SYTL4: variants seen among roughly 807,000 people sequenced by gnomAD.
SYTL4 encodes the protein synaptotagmin-like protein 4.
SYTL4 carries 16 observed loss-of-function variants against 52.7 expected under a neutral mutation model. The ratio of observed to expected loss-of-function variants is 0.30; its 90% CI spans 0.21 to 0.46. The LOEUF (loss-of-function observed/expected upper bound fraction) is 0.46, where lower values mean the gene tolerates loss of function less well. Among genes scored for constraint, SYTL4 ranks in the 20% least tolerant of loss-of-function variants. The probability of loss-of-function intolerance (pLI) is 1.00; values close to 1 mark genes in which losing one functional copy is unlikely to be tolerated. For missense variants in SYTL4, 423 were observed against 519.9 expected, an observed-to-expected ratio of 0.81 and a Z score of 1.81; for synonymous variants, 160 against 186.6, an observed-to-expected ratio of 0.86 and a Z score of 1.16.
Position 100,722,892 on chromosome X carries a change from T to C in SYTL4, c.-240+8526A>G, listed in dbSNP as rs145241039. Among the ~76,000 whole-genome samples, 438 of 111,793 alleles carry C rather than the reference T, an allele frequency of 3.9e-3. 2 individuals are homozygous for C. The highest frequency in any genetic ancestry group is 0.014 in the African/African-American group (419 of 30,746). On this transcript the variant is annotated intron_variant, in intron 2 of 19. Coordinates refer to ENST00000372989, the MANE Select transcript of SYTL4 (RefSeq NM_001370165.1). ...GTCACCAAGAACTTCCTAAATCCAA[T>C]AGACAGTTCTTGGTCTTCCTAGATT...
chrX:100,719,990 G>A (rs878863510), intron 2 of SYTL4, among the ~76,000 whole-genome samples: 2 of 111,692 alleles, frequency 1.8e-5, no homozygotes, highest in Admixed American at 9.5e-5. Flanking sequence ...TTTGTCCCCT[G>A]CTCCTCAGCA....
At chrX:100,724,267 C>T (rs1221844471) in intron 2 of SYTL4, among the ~76,000 whole-genome samples, 2 of 104,685 alleles carry the variant, frequency 1.9e-5, no homozygotes, top group Non-Finnish European at 3.9e-5. Flanking sequence ...GCGCCCCGCC[C>T]GGCCAGCCGC....
rs779226209 is a variant in SYTL4 at position 100,700,912 on chromosome X, C to T, written c.524G>A (p.Arg175Gln). 42 of 1,206,199 alleles carry T rather than the reference C, an allele frequency of 3.5e-5. 1 individual carries two copies. The South Asian group carries it at 5.8e-4, about 17-fold the overall frequency. ...IWPGRKIIQE[R>Q]QKEPSVLFEV... The stretch of plus-strand genomic sequence containing the variant: ...TGATTCTTACCTGGGCTCCTTCTGC[C>T]GCTCCTGAATGATCTTTCTTCCTGG... Residue 175 changes from arginine (R) to glutamine (Q), a missense_variant, in exon 8 of 20, where the codon CGG becomes CAG. Arg to Gln is a conservative substitution (Grantham distance 43). Transcript: ENST00000372989.
intron 6 of SYTL4, 50 bp downstream of exon 6, chrX:100,701,408 C>T: frequency 8.5e-7 from 1 of 1,181,646 alleles, no homozygotes; most frequent in Non-Finnish European, 1.2e-6. Flanking sequence ...GAAATTCTCA[C>T]CACGGCCAAG....
In SYTL4 at chrX:100,723,258, C is replaced by G. The variant is rs191077141; in HGVS notation, c.-240+8160G>C. Among the ~76,000 whole-genome samples the G allele has an allele frequency of 3.1e-4, 34 of 111,418 alleles. No individual in the cohort carries two copies. The East Asian group carries it at 8.5e-3, about 28-fold the overall frequency. ...CCTCAGCCTGCCGAGTGCCTGCGAT[C>G]GCAGGCGCGCGCCGCCACGCCTGAC... is the stretch of plus-strand genomic sequence containing the variant. On this transcript the variant is annotated intron_variant, in intron 2 of 19. Transcript: ENST00000372989.
At chrX:100,700,873 T>C in intron 8 of SYTL4, 24 bp downstream of exon 8, 1 of 1,110,729 alleles carries the variant, frequency 9.0e-7, no homozygotes, top group Non-Finnish European at 1.2e-6. Flanking sequence ...TAAGCATTTC[T>C]TTAAACAATT....
intron 17 of SYTL4, among the ~76,000 whole-genome samples, chrX:100,679,794 T>G (rs2083340483): frequency 8.9e-6 from 1 of 111,787 alleles, no homozygotes; most frequent in Non-Finnish European, 1.9e-5. Flanking sequence ...AACTCCTCCA[T>G]CTGAGTTCTC....
At chrX:100,721,961 C>T (rs995253789) in intron 2 of SYTL4, among the ~76,000 whole-genome samples, 1 of 109,817 alleles carries the variant, frequency 9.1e-6, no homozygotes, top group Non-Finnish European at 1.9e-5. Context: ...GCCACCATGC[C>T]CGGCTAATTT....
chrX:100,696,732 A>T, intron 8 of SYTL4, among the ~76,000 whole-genome samples: 1 of 112,047 alleles, frequency 8.9e-6, no homozygotes, highest in Non-Finnish European at 1.9e-5. Context: ...TTGGTAGTCC[A>T]TATGCCAAAA....
chrX:100,688,571 T>C, intron 12 of SYTL4, 128 bp from the exon 13 acceptor site: 1 of 520,526 alleles, frequency 1.9e-6, no homozygotes, highest in Non-Finnish European at 2.9e-6. Flanking sequence ...TTCTTTTTTT[T>C]TTTTTTTTTT....
At chrX:100,719,978 C>T (rs1287656998) in intron 2 of SYTL4, among the ~76,000 whole-genome samples, 2 of 111,927 alleles carry the variant, frequency 1.8e-5, no homozygotes, top group Non-Finnish European at 3.8e-5. Context: ...TGATTCTACA[C>T]GTTTGTCCCC....
intron 2 of SYTL4, among the ~76,000 whole-genome samples, chrX:100,705,327 G>A (rs1451300015): frequency 1.8e-5 from 2 of 111,740 alleles, no homozygotes; most frequent in African/African-American, 6.5e-5. Flanking sequence ...TAGGATTCAG[G>A]AGAGGTTAGG....
At chrX:100,723,748 T>C (rs1210125451) in intron 2 of SYTL4, among the ~76,000 whole-genome samples, 8 of 104,887 alleles carry the variant, frequency 7.6e-5, no homozygotes, top group African/African-American at 2.8e-4. Context: ...GTCTGAGAAG[T>C]GAGGAGCCCC....
rs765042174 is a variant in SYTL4 at position 100,731,453 on chromosome X, T to C, written c.-275A>G. ...CTGGCCAACGCCAGAGAAGCCGCGA[T>C]GTCGTAGGTCCGAAGAGAGTGCGGG... On this transcript the variant is annotated 5_prime_UTR_variant, in exon 2 of 20. Transcript: ENST00000372989. 1 of 112,924 alleles carries C rather than the reference T, an allele frequency of 8.9e-6. No individual in the cohort carries two copies. Among genetic ancestry groups the C allele is most frequent in the East Asian group, 2.8e-4 (1 of 3,538 alleles). 9.3% of individuals were successfully genotyped at this position (112,924 alleles called of 1,213,427 possible). A position where few individuals can be genotyped will look rare whatever the true frequency, so the allele number is the denominator to read the frequency against.
chrX:100,714,506 A>G (rs1388514973), intron 2 of SYTL4, among the ~76,000 whole-genome samples: 18 of 111,303 alleles, frequency 1.6e-4, no homozygotes, highest in Admixed American at 2.9e-4. Context: ...TGATCTGCCC[A>G]CCTCAGCCTC....
At chrX:100,701,108 C>T (rs1165771390) in intron 7 of SYTL4, 109 bp from the exon 8 acceptor site, 1 of 878,277 alleles carries the variant, frequency 1.1e-6, no homozygotes, top group African/African-American at 2.0e-5. Flanking sequence ...GAAGGGATGA[C>T]AATACAATCT....
intron 18 of SYTL4, 71 bp from the exon 19 acceptor site, chrX:100,678,670 C>G (rs2083323466): frequency 1.1e-6 from 1 of 923,021 alleles, no homozygotes; most frequent in African/African-American, 1.9e-5. Context: ...TCCCCTTTCC[C>G]CTACCACAGG....
intron 13 of SYTL4, 195 bp from the exon 14 acceptor site, chrX:100,687,440 G>C (rs930634206): frequency 4.7e-6 from 2 of 422,435 alleles, no homozygotes; most frequent in South Asian, 4.0e-5. Context: ...TCAGGTGAAT[G>C]AATCAGCTCA....
chrX:100,723,056 A>G lies in SYTL4; in HGVS notation c.-240+8362T>C, dbSNP rs182371928. ...ATATTTGAAACAGCAAAAAAAAAAA[A>G]ATTAAAGAACATAAACATCCATCAA... On this transcript the variant is annotated intron_variant, in intron 2 of 19. Transcript: ENST00000372989. Among the ~76,000 whole-genome samples, 3 of 111,801 alleles carry G rather than the reference A, an allele frequency of 2.7e-5. No homozygotes were observed. In the Admixed American group the frequency reaches 2.8e-4, roughly 10 times the overall value.
Sources: gnomAD v4.1 joint callset for allele counts (sites outside exome capture counted in the v4.1 genomes callset) on GRCh38, gnomAD v4.1.1 for gene constraint, MANE v1.5 for transcripts, NCBI Gene and HGNC (gene_info 2026-07-23, HGNC 2026-07-21) for gene names.